The following PCDHA12 variants were observed in gnomAD, a reference collection of about 807,000 sequenced individuals.
PCDHA12 encodes the protein protocadherin alpha 12.
Under a neutral mutation model 60.0 loss-of-function variants are expected in PCDHA12, and 44 were observed. The ratio of observed to expected loss-of-function variants is 0.73; its 90% CI spans 0.58 to 0.94. The LOEUF (loss-of-function observed/expected upper bound fraction) is 0.94, where lower values mean the gene tolerates loss of function less well. PCDHA12 is among the 40% of genes least tolerant of loss of function. PCDHA12 has a pLI of 0.00. For synonymous variants in PCDHA12, 569 were observed against 553.0 expected (o/e 1.03, Z -0.40); for missense variants, 1,276 against 1,239.7 (o/e 1.03, Z -0.44).
intron 1 of PCDHA12, chr5:140,927,597 C>T (rs781933372): frequency 1.2e-6 from 2 of 1,614,200 alleles, no homozygotes; most frequent in South Asian, 1.1e-5. Context: ...TATTTGAGCG[C>T]TCCGTATACC....
rs1193708084 is a variant in PCDHA12, at chr5:140,882,956, A to AT, written c.2367+5118dup. 3.1e-6 allele frequency: 5 copies of AT among 1,614,110 alleles called. No individual in the cohort carries two copies. In the African/African-American group the frequency reaches 6.7e-5, roughly 22 times the overall value. ...GCTGACTGGCACAGTTCAGCTGCTC[A>AT]TCACGATTCTGGACGTGAATGACAA... On this transcript the variant is annotated intron_variant, in intron 1 of 3. Transcript: ENST00000398631.
intron 3 of PCDHA12, among the ~76,000 whole-genome samples, chr5:140,992,500 A>C (rs1205902091): frequency 6.6e-6 from 1 of 152,222 alleles, no homozygotes; most frequent in Non-Finnish European, 1.5e-5. Context: ...GTAAGGATTC[A>C]ATCCTGGGGC....
intron 1 of PCDHA12, among the ~76,000 whole-genome samples, chr5:140,965,644 G>A (rs201197561): frequency 6.6e-6 from 1 of 152,028 alleles, no homozygotes; most frequent in African/African-American, 2.4e-5. Flanking sequence ...AATTACTCTT[G>A]AAAGAAAATG....
chr5:140,975,763 C>A (rs2096681691), intron 1 of PCDHA12, among the ~76,000 whole-genome samples: 1 of 152,140 alleles, frequency 6.6e-6, no homozygotes, highest in Non-Finnish European at 1.5e-5. Context: ...TGTCATAAAT[C>A]ACAGATAATA....
chr5:140,900,446 T>G (rs1344652526), intron 1 of PCDHA12, among the ~76,000 whole-genome samples: 1 of 152,154 alleles, frequency 6.6e-6, no homozygotes, highest in Non-Finnish European at 1.5e-5. Flanking sequence ...GCCGGCTAAT[T>G]TTTTATTTTT....
At position 140,957,560 on chromosome 5, in the gene PCDHA12, G is replaced by A. The variant is rs940495695; in HGVS notation, c.2368-21389G>A. ...TTAGAAAGTATTCTCTGTGGAAAAGGAGGGACTACTGTACTTTTAACAAAG... is the reference window on the plus strand; with the variant it reads ...TTAGAAAGTATTCTCTGTGGAAAAGAAGGGACTACTGTACTTTTAACAAAG... On this transcript the variant is annotated intron_variant, in intron 1 of 3. Transcript: ENST00000398631. 2.0e-5 allele frequency among the ~76,000 whole-genome samples: 3 copies of A among 152,074 alleles called. No homozygotes were observed. In the East Asian group the frequency reaches 5.8e-4, roughly 29 times the overall value.
rs542701193 is a variant in PCDHA12 at position 140,931,976 on chromosome 5, A to G, written c.2368-46973A>G. 2.6e-5 allele frequency among the ~76,000 whole-genome samples: 4 copies of G among 152,074 alleles called. No homozygotes were observed. In the East Asian group the frequency reaches 7.7e-4, roughly 29 times the overall value. On this transcript the variant is annotated intron_variant, in intron 1 of 3. Coordinates refer to ENST00000398631, the MANE Select transcript of PCDHA12 (RefSeq NM_018903.4). ...GAATCATGTTGATGCATATGTGTTTATATTTTGCTCAAATTCTAAGTTCTT... is the reference window on the plus strand; with the variant it reads ...GAATCATGTTGATGCATATGTGTTTGTATTTTGCTCAAATTCTAAGTTCTT...
At chr5:140,902,203 C>CTTTTTTTTT (rs148688132) in intron 1 of PCDHA12, among the ~76,000 whole-genome samples, 1 of 124,460 alleles carries the variant, frequency 8.0e-6, no homozygotes. Flanking sequence ...CTCTCTCTTT[C>CTTTTTTTTT]TTTTTTTTTT....
At chr5:140,914,921 T>C (rs895344325) in intron 1 of PCDHA12, among the ~76,000 whole-genome samples, 1 of 151,508 alleles carries the variant, frequency 6.6e-6, no homozygotes, top group Non-Finnish European at 1.5e-5. Context: ...TGTGTCTTAT[T>C]GTACTATGTT....
chr5:140,904,613 T>C (rs1554191625), intron 1 of PCDHA12, among the ~76,000 whole-genome samples: 2 of 152,112 alleles, frequency 1.3e-5, no homozygotes, highest in African/African-American at 2.4e-5. Context: ...ATAGTAGTTT[T>C]ACTTTTAGTT....
At chr5:140,978,283 G>A (rs1355729190) in intron 1 of PCDHA12, among the ~76,000 whole-genome samples, 3 of 152,200 alleles carry the variant, frequency 2.0e-5, no homozygotes, top group South Asian at 2.1e-4. Context: ...CAGTGATTCA[G>A]TGAGGAGGGA....
intron 3 of PCDHA12, among the ~76,000 whole-genome samples, chr5:141,006,182 T>G (rs1388785445): frequency 1.3e-5 from 2 of 151,170 alleles, no homozygotes; most frequent in Non-Finnish European, 2.9e-5. Flanking sequence ...TTTAAAAGAG[T>G]TTGCTATATG....
chr5:140,905,948 G>A (rs2072228532), intron 1 of PCDHA12, among the ~76,000 whole-genome samples: 3 of 152,180 alleles, frequency 2.0e-5, no homozygotes, highest in Non-Finnish European at 4.4e-5. Flanking sequence ...CTTGGAATCC[G>A]ATGTTCAAGG....
chr5:140,990,754 G>A (rs3822343), intron 3 of PCDHA12, among the ~76,000 whole-genome samples: 7,419 of 152,246 alleles, frequency 0.049, 237 homozygotes, highest in South Asian at 0.11. Flanking sequence ...GGATACCTTT[G>A]AGCCTGTAAA....
chr5:140,978,890 A>G (rs2096827624), intron 1 of PCDHA12, 59 bp from the exon 2 acceptor site: 1 of 1,612,616 alleles, frequency 6.2e-7, no homozygotes. Context: ...AATTAGCAGC[A>G]TTCCTGGGAG....
rs78358581 is a variant in PCDHA12 at position 140,924,264 on chromosome 5, T to G, written c.2367+46425T>G. 2.9e-3 allele frequency among the ~76,000 whole-genome samples: 442 copies of G among 152,342 alleles called. 1 individual carries two copies. Among genetic ancestry groups the G allele is most frequent in the African/African-American group, 0.01 (423 of 41,584 alleles). On this transcript the variant is annotated intron_variant, in intron 1 of 3. Coordinates refer to ENST00000398631, the MANE Select transcript of PCDHA12 (RefSeq NM_018903.4). Reference sequence around the variant, plus strand: ...TGCATCCTGGTGAGATCTAATGAGGTCTGTACTTGTGACTACCTAATAGGC... The same window carrying G: ...TGCATCCTGGTGAGATCTAATGAGGGCTGTACTTGTGACTACCTAATAGGC...
chr5:140,882,891 A>C, intron 1 of PCDHA12: 1 of 1,614,230 alleles, frequency 6.2e-7, no homozygotes, highest in East Asian at 2.2e-5. Flanking sequence ...ATTCAGGAAC[A>C]TAGTTTATTA....
chr5:140,988,512 T>TCC (rs2097301181), intron 3 of PCDHA12, among the ~76,000 whole-genome samples: 1 of 152,218 alleles, frequency 6.6e-6, no homozygotes, highest in Non-Finnish European at 1.5e-5. Flanking sequence ...TGAAGCTTAC[T>TCC]TAAGTCTCTG....
At chr5:140,991,025 A>G (rs1440890555) in intron 3 of PCDHA12, among the ~76,000 whole-genome samples, 2 of 152,208 alleles carry the variant, frequency 1.3e-5, no homozygotes, top group African/African-American at 4.8e-5. Flanking sequence ...CACTTTACAT[A>G]TGTTGCATAC....
Sources: gnomAD v4.1 joint callset for allele counts (sites outside exome capture counted in the v4.1 genomes callset) on GRCh38, gnomAD v4.1.1 for gene constraint, MANE v1.5 for transcripts, NCBI Gene and HGNC (gene_info 2026-07-23, HGNC 2026-07-21) for gene names.